NANOG: variants seen among roughly 807,000 people sequenced by gnomAD.
NANOG encodes Nanog homeobox, also known as homeobox protein NANOG.
A neutral mutation model predicts 17.7 loss-of-function variants in NANOG; 2 were observed. The observed-to-expected ratio is 0.11, with a 90% CI of 0.05 to 0.36. The LOEUF (loss-of-function observed/expected upper bound fraction) is 0.36, where lower values mean the gene tolerates loss of function less well. Among genes scored for constraint, NANOG ranks in the 10% least tolerant of loss-of-function variants. NANOG has a pLI of 1.00. For missense variants in NANOG, 174 were observed against 362.1 expected (o/e 0.48, Z 4.22); for synonymous variants, 81 against 124.7 (o/e 0.65, Z 2.33).
At chr12:7,794,080 CTCTT>C (rs1247396303) in intron 2 of NANOG, among the ~76,000 whole-genome samples, 4 of 152,104 alleles carry the variant, frequency 2.6e-5, no homozygotes, top group Non-Finnish European at 5.9e-5. Context: ...GTTCATTTCT[CTCTT>C]TTTTTCTGAG....
rs1160446105 is a variant in NANOG at position 7,797,218 on chromosome 12, C to T, written c.*2123C>T. The T allele has an allele frequency of 6.6e-6, 1 of 151,924 alleles. No individual in the cohort carries two copies. Among genetic ancestry groups the T allele is most frequent in the Non-Finnish European group, 1.5e-5 (1 of 68,028 alleles). 9.4% of individuals were successfully genotyped at this position (151,924 alleles called of 1,614,324 possible). On this transcript the variant is annotated 3_prime_UTR_variant, in exon 4 of 4. Transcript: ENST00000229307. ...TACAGGCACCCAACATTACACCCGGCTAATTTTTGGTATTTTTAGTAGAGA... is the reference window on the plus strand; with the variant it reads ...TACAGGCACCCAACATTACACCCGGTTAATTTTTGGTATTTTTAGTAGAGA...
At chr12:7,794,434 A>G (rs766196997) in intron 2 of NANOG, 23 bp from the exon 3 acceptor site, 10 of 1,597,270 alleles carry the variant, frequency 6.3e-6, no homozygotes, top group Admixed American at 1.7e-5. Context: ...ATATTTTACA[A>G]TTTCTATCAT....
In NANOG at chr12:7,793,197, C is replaced by T; in HGVS notation, c.399C>T (p.Asn133=). ...TGCAAGAACTCTCCAACATCCTGAACCTCAGCTACAAACAGGTAGGCTTGT... is the reference window on the plus strand; with the variant it reads ...TGCAAGAACTCTCCAACATCCTGAATCTCAGCTACAAACAGGTAGGCTTGT... ...QQMQELSNIL[N]LSYKQVKTWF... is the part of the protein sequence containing the mutation. The change falls in exon 2 of 4, where the codon AAC becomes AAT. Residue 133 remains asparagine, a synonymous_variant. Transcript: ENST00000229307. The T allele has an allele frequency of 1.9e-6, 3 of 1,613,710 alleles. No homozygotes were observed. The highest frequency in any genetic ancestry group is 2.5e-6 in the Non-Finnish European group (3 of 1,179,842).
rs1257633213 is a variant in NANOG, at chr12:7,789,637, C to T, written c.23C>T (p.Pro8Leu). 2 of 1,613,876 alleles carry T rather than the reference C, an allele frequency of 1.2e-6. No individual in the cohort carries two copies. Among genetic ancestry groups the T allele is most frequent in the Admixed American group, 3.3e-5 (2 of 60,008 alleles). ...AACATGAGTGTGGATCCAGCTTGTC[C>T]CCAAAGCTTGCCTTGCTTTGAAGCA... MSVDPAC[P>L]QSLPCFEASD... The change falls in exon 1 of 4, where the codon CCC becomes CTC. Residue 8 changes from proline (P) to leucine (L), a missense_variant. Transcript: ENST00000229307.
In NANOG at chr12:7,798,066, AACT is replaced by A. The variant is rs1297585932; in HGVS notation, c.*2974_*2976del. On this transcript the variant is annotated 3_prime_UTR_variant, in exon 4 of 4. Coordinates refer to ENST00000229307, the MANE Select transcript of NANOG (RefSeq NM_024865.4). ...GAATAATCTTTAAAGTAACAATAAT[AACT>A]ACAGTCAAAAGCAGTAAGATTAGTG... is the stretch of plus-strand genomic sequence containing the variant. 1 of 152,184 alleles carries A rather than the reference AACT, an allele frequency of 6.6e-6. No individual in the cohort carries two copies. Among genetic ancestry groups the A allele is most frequent in the African/African-American group, 2.4e-5 (1 of 41,446 alleles). 9.4% of individuals were successfully genotyped at this position (152,184 alleles called of 1,614,324 possible).
rs1054737778 is a variant in NANOG at position 7,796,080 on chromosome 12, G to A, written c.*985G>A. 5 of 152,102 alleles carry A rather than the reference G, an allele frequency of 3.3e-5. No individual in the cohort carries two copies. The highest frequency in any genetic ancestry group is 2.0e-4 in the Admixed American group (3 of 15,256). The allele number at this position is 152,102 out of a possible 1,614,324, so 9.4% of individuals were successfully genotyped here. A position where few individuals can be genotyped will look rare whatever the true frequency, so the allele number is the denominator to read the frequency against. ...AACATAAATCTTTGTTAAATTTTTG[G>A]TTGGGGTGGAGAAGGAAATTAGCTG... On this transcript the variant is annotated 3_prime_UTR_variant, in exon 4 of 4. Transcript: ENST00000229307.
Position 7,797,343 on chromosome 12 carries a change from AC to A in NANOG, c.*2250del, listed in dbSNP as rs1295868117. On this transcript the variant is annotated 3_prime_UTR_variant, in exon 4 of 4. Coordinates refer to ENST00000229307, the MANE Select transcript of NANOG (RefSeq NM_024865.4). ...AGTGGTGGGATTATAGGTGTGAGCCACCGTGTCTGGGCAATTTTTTTTTTTT... is the reference window on the plus strand; with the variant it reads ...AGTGGTGGGATTATAGGTGTGAGCCACGTGTCTGGGCAATTTTTTTTTTTT... 7.0e-6 allele frequency: 1 copy of A among 142,074 alleles called. No individual in the cohort carries two copies. The highest frequency in any genetic ancestry group is 1.5e-5 in the Non-Finnish European group (1 of 66,684). 8.8% of individuals were successfully genotyped at this position (142,074 alleles called of 1,614,324 possible). A position where few individuals can be genotyped will look rare whatever the true frequency, so the allele number is the denominator to read the frequency against.
intron 2 of NANOG, among the ~76,000 whole-genome samples, chr12:7,793,597 T>A (rs1862874880): frequency 6.6e-6 from 1 of 152,224 alleles, no homozygotes; most frequent in East Asian, 1.9e-4. Context: ...CAGCTTGTTT[T>A]GTTTTTTATC....
At chr12:7,790,760 T>C (rs1862828835) in intron 1 of NANOG, among the ~76,000 whole-genome samples, 1 of 152,108 alleles carries the variant, frequency 6.6e-6, no homozygotes. Flanking sequence ...TTTCCTCTTT[T>C]TTAGAATCAG....
intron 2 of NANOG, 34 bp from the exon 3 acceptor site, chr12:7,794,423 A>G (rs765206462): frequency 7.1e-5 from 112 of 1,572,524 alleles, no homozygotes; most frequent in Non-Finnish European, 9.0e-5. Flanking sequence ...CTGTATTATG[A>G]ATATTTTACA....
At chr12:7,790,649 G>T (rs538585047) in intron 1 of NANOG, among the ~76,000 whole-genome samples, 34 of 152,180 alleles carry the variant, frequency 2.2e-4, no homozygotes, top group Non-Finnish European at 4.6e-4. Flanking sequence ...CTTAAAAAGC[G>T]CATTTACATT....
chr12:7,791,251 A>G (rs1371962135), intron 1 of NANOG, among the ~76,000 whole-genome samples: 4 of 151,714 alleles, frequency 2.6e-5, no homozygotes. Flanking sequence ...CAGGTATTAC[A>G]GATGTATGCC....
Position 7,794,293 on chromosome 12 carries a change from G to A in NANOG, c.415-164G>A, listed in dbSNP as rs762453713. Reference sequence around the variant, plus strand: ...TTCCTCATGTTGGCTAGCCTGTAGCGAACTCCTGGGCTCAAGCAATCTGCC... The same window carrying A: ...TTCCTCATGTTGGCTAGCCTGTAGCAAACTCCTGGGCTCAAGCAATCTGCC... On this transcript the variant is annotated intron_variant, in intron 2 of 3. Transcript: ENST00000229307. Among the ~76,000 whole-genome samples, 13 of 152,184 alleles carry A rather than the reference G, an allele frequency of 8.5e-5. 1 individual carries two copies. In the South Asian group the frequency reaches 1.2e-3, roughly 15 times the overall value.
Sources: allele counts gnomAD v4.1 joint callset (sites outside exome capture counted in the v4.1 genomes callset), GRCh38; gene constraint gnomAD v4.1.1; transcripts MANE v1.5; gene names NCBI Gene and HGNC (gene_info 2026-07-23, HGNC 2026-07-21).